IMMP2L: variants seen among roughly 807,000 people sequenced by gnomAD.
IMMP2L encodes the protein inner mitochondrial membrane peptidase subunit 2.
A neutral mutation model predicts 19.3 loss-of-function variants in IMMP2L; 18 were observed. The ratio of observed to expected loss-of-function variants is 0.93; its 90% confidence interval spans 0.64 to 1.38. The LOEUF (loss-of-function observed/expected upper bound fraction) is 1.38. IMMP2L is among the 40% of genes most tolerant of loss of function. The pLI, the probability that IMMP2L is intolerant of heterozygous loss-of-function variation, is 0.00. For missense variants in IMMP2L, 233 were observed against 218.2 expected, an observed-to-expected ratio of 1.07 and a Z score of -0.43; for synonymous variants, 76 against 73.0, an observed-to-expected ratio of 1.04 and a Z score of -0.21.
At chr7:110,860,999 T>A (rs1380437886) in intron 5 of IMMP2L, among the ~76,000 whole-genome samples, 1 of 139,382 alleles carries the variant, frequency 7.2e-6, no homozygotes, top group African/African-American at 2.8e-5. Context: ...ATTAAAAAAA[T>A]TAAAAATTCC....
At chr7:110,945,500 G>C (rs930784261) in intron 4 of IMMP2L, among the ~76,000 whole-genome samples, 8 of 151,938 alleles carry the variant, frequency 5.3e-5, no homozygotes, top group Non-Finnish European at 1.2e-4. Context: ...TCACGGTAAA[G>C]TATCTGCCAC....
At chr7:111,503,863 C>A (rs1844587739) in intron 2 of IMMP2L, among the ~76,000 whole-genome samples, 2 of 152,102 alleles carry the variant, frequency 1.3e-5, no homozygotes, top group Non-Finnish European at 2.9e-5. Context: ...CAGCCAATAT[C>A]ATACTGAATG....
chr7:110,800,270 T>C (rs938091260), intron 5 of IMMP2L, among the ~76,000 whole-genome samples: 4 of 152,126 alleles, frequency 2.6e-5, no homozygotes, highest in Non-Finnish European at 5.9e-5. Flanking sequence ...ATTGGAGTAT[T>C]AGAAATACTT....
rs542726274 is a variant in IMMP2L at position 111,107,676 on chromosome 7, C to T, written c.240-144111G>A. 5.9e-5 allele frequency among the ~76,000 whole-genome samples: 9 copies of T among 152,084 alleles called. 1 individual carries two copies. The South Asian group carries it at 1.0e-3, about 18-fold the overall frequency. ...TCTCAAATATGAAATACAATAGATGCGTTTCATGCTCTGATTAAATGTCAA... is the reference window on the plus strand; with the variant it reads ...TCTCAAATATGAAATACAATAGATGTGTTTCATGCTCTGATTAAATGTCAA... On this transcript the variant is annotated intron_variant, in intron 3 of 5. Coordinates refer to ENST00000405709, the MANE Select transcript of IMMP2L (RefSeq NM_032549.4).
intron 3 of IMMP2L, among the ~76,000 whole-genome samples, chr7:111,102,756 G>A (rs1482471374): frequency 6.6e-6 from 1 of 151,370 alleles, no homozygotes; most frequent in Non-Finnish European, 1.5e-5. Context: ...ACTACTCTGG[G>A]ACATTCCATC....
At chr7:111,376,145 C>T (rs1353049197) in intron 3 of IMMP2L, among the ~76,000 whole-genome samples, 1 of 152,018 alleles carries the variant, frequency 6.6e-6, no homozygotes, top group African/African-American at 2.4e-5. Context: ...CACTGTGTTA[C>T]ATAACGCACA....
At chr7:111,129,015 T>C (rs1371268450) in intron 3 of IMMP2L, among the ~76,000 whole-genome samples, 2 of 152,158 alleles carry the variant, frequency 1.3e-5, no homozygotes, top group African/African-American at 4.8e-5. Context: ...ACATTAACCC[T>C]TACAAGATGT....
intron 3 of IMMP2L, among the ~76,000 whole-genome samples, chr7:111,297,342 C>T (rs1007903854): frequency 2.6e-5 from 4 of 151,950 alleles, no homozygotes; most frequent in Admixed American, 1.3e-4. Flanking sequence ...AACACAGGAC[C>T]TTTCAGCATT....
chr7:111,291,257 T>C (rs1025891532), intron 3 of IMMP2L, among the ~76,000 whole-genome samples: 2 of 152,312 alleles, frequency 1.3e-5, no homozygotes, highest in South Asian at 2.1e-4. Flanking sequence ...CAAGAAGCCT[T>C]TGCAGAAGAC....
intron 3 of IMMP2L, among the ~76,000 whole-genome samples, chr7:111,371,603 T>G (rs772686994): frequency 3.3e-5 from 5 of 152,074 alleles, no homozygotes; most frequent in African/African-American, 1.2e-4. Context: ...CTGTTCACCA[T>G]GTAACGATAC....
intron 3 of IMMP2L, among the ~76,000 whole-genome samples, chr7:111,271,819 A>G (rs1818503044): frequency 6.6e-6 from 1 of 152,168 alleles, no homozygotes; most frequent in African/African-American, 2.4e-5. Context: ...GAAAAAAATG[A>G]CACCACCATG....
chr7:110,919,607 T>C (rs781352553), intron 4 of IMMP2L, among the ~76,000 whole-genome samples: 24 of 152,158 alleles, frequency 1.6e-4, no homozygotes, highest in Admixed American at 1.3e-3. Context: ...GGAGAGGAGA[T>C]TGAACCAGAA....
chr7:110,763,602 G>A (rs1267027903), intron 5 of IMMP2L, among the ~76,000 whole-genome samples: 1 of 152,084 alleles, frequency 6.6e-6, no homozygotes, highest in Non-Finnish European at 1.5e-5. Context: ...TTTTCTAATA[G>A]TTACCATATA....
In IMMP2L at chr7:110,712,933, C is replaced by G. The variant is rs568463721; in HGVS notation, c.409-49212G>C. ...CTGGCACTCCCTGGTGAGATGAACCCGGTACCTCAGATGGAAATGCAGAAA... is the reference window on the plus strand; with the variant it reads ...CTGGCACTCCCTGGTGAGATGAACCGGGTACCTCAGATGGAAATGCAGAAA... On this transcript the variant is annotated intron_variant, in intron 5 of 5. Coordinates refer to ENST00000405709, the MANE Select transcript of IMMP2L (RefSeq NM_032549.4). Among the ~76,000 whole-genome samples, 791 of 149,202 alleles carry G rather than the reference C, an allele frequency of 5.3e-3. 12 individuals are homozygous for G. The highest frequency in any genetic ancestry group is 0.019 in the African/African-American group (754 of 40,246).
intron 3 of IMMP2L, among the ~76,000 whole-genome samples, chr7:111,049,760 T>C (rs1169916019): frequency 6.6e-6 from 1 of 152,206 alleles, no homozygotes; most frequent in Non-Finnish European, 1.5e-5. Flanking sequence ...AAGACCATTT[T>C]TGCAGGATTT....
At chr7:110,722,199 A>C (rs947590302) in intron 5 of IMMP2L, among the ~76,000 whole-genome samples, 2 of 152,090 alleles carry the variant, frequency 1.3e-5, no homozygotes, top group Non-Finnish European at 2.9e-5. Flanking sequence ...AGCGATGAAA[A>C]ACCTGAAGGG....
chr7:111,055,256 C>T (rs548212413), intron 3 of IMMP2L, among the ~76,000 whole-genome samples: 1 of 152,186 alleles, frequency 6.6e-6, no homozygotes, highest in South Asian at 2.1e-4. Context: ...CCAGGCTGGT[C>T]TCAAACTCTT....
intron 3 of IMMP2L, among the ~76,000 whole-genome samples, chr7:111,405,538 A>G (rs1456500262): frequency 1.3e-5 from 2 of 152,194 alleles, no homozygotes; most frequent in Non-Finnish European, 2.9e-5. Context: ...TATGTGTAAG[A>G]TTATAAAAGA....
chr7:111,261,173 G>A (rs2109299), intron 3 of IMMP2L, among the ~76,000 whole-genome samples: 50,401 of 151,650 alleles, frequency 0.33, 9,151 homozygotes, highest in South Asian at 0.61. Context: ...TTTCTCCACC[G>A]CCTTTAAGTA....
Sources: gnomAD v4.1 joint callset for allele counts (sites outside exome capture counted in the v4.1 genomes callset) on GRCh38, gnomAD v4.1.1 for gene constraint, MANE v1.5 for transcripts, NCBI Gene and HGNC (gene_info 2026-07-23, HGNC 2026-07-21) for gene names.